ZNF654: variants seen among roughly 807,000 people sequenced by gnomAD.
ZNF654 encodes the protein melanoma-associated antigen.
In ZNF654, 19 loss-of-function variants were observed where a neutral mutation model predicts 95.3. That is an observed-to-expected ratio of 0.20 (90% CI 0.14 to 0.29). The LOEUF (loss-of-function observed/expected upper bound fraction) is 0.29, where lower values mean the gene tolerates loss of function less well. ZNF654 is among the 10% of genes least tolerant of loss of function. The pLI is 1.00. For synonymous variants in ZNF654, 413 were observed against 457.9 expected (o/e 0.90, Z 1.25); for missense variants, 1,046 against 1,341.0 (o/e 0.78, Z 3.44).
chr3:88,116,557 T>TACACACACACACACACACAC (rs745598873), intron 3 of ZNF654, among the ~76,000 whole-genome samples: 2 of 25,502 alleles, frequency 7.8e-5, no homozygotes, highest in African/African-American at 1.9e-4. Context: ...TACATACATA[T>TACACACACACACACACACAC]ATATACACAC....
intron 2 of ZNF654, among the ~76,000 whole-genome samples, chr3:88,098,064 C>A (rs1704173155): frequency 6.6e-6 from 1 of 151,968 alleles, no homozygotes; most frequent in African/African-American, 2.4e-5. Context: ...AAACGATCAA[C>A]AAAATTGACA....
intron 3 of ZNF654, among the ~76,000 whole-genome samples, chr3:88,118,920 CTT>C (rs1184443475): frequency 2.0e-5 from 3 of 150,206 alleles, no homozygotes; most frequent in Admixed American, 6.7e-5. Context: ...AATAGGAACA[CTT>C]TTACACTGTT....
At chr3:88,108,728 A>G (rs559134183) in intron 2 of ZNF654, among the ~76,000 whole-genome samples, 3 of 152,270 alleles carry the variant, frequency 2.0e-5, no homozygotes, top group Non-Finnish European at 4.4e-5. Context: ...ATTTTACTTA[A>G]TAATGGCCCC....
At chr3:88,093,869 GC>G (rs1703893194) in intron 2 of ZNF654, among the ~76,000 whole-genome samples, 1 of 152,086 alleles carries the variant, frequency 6.6e-6, no homozygotes, top group Non-Finnish European at 1.5e-5. Context: ...CGGGGGCTGG[GC>G]CCCACAAAAG....
intron 3 of ZNF654, among the ~76,000 whole-genome samples, chr3:88,115,434 G>A (rs1297828027): frequency 6.6e-6 from 1 of 152,180 alleles, no homozygotes; most frequent in African/African-American, 2.4e-5. Context: ...GGTTAAATGA[G>A]TAAAGTGCTT....
At chr3:88,060,327 A>ATGT (rs1236582879) in intron 1 of ZNF654, among the ~76,000 whole-genome samples, 1 of 152,118 alleles carries the variant, frequency 6.6e-6, no homozygotes, top group African/African-American at 2.4e-5. Context: ...CAGGGGTTTG[A>ATGT]TGTTGTTCAA....
At chr3:88,123,236 C>A (rs1705888760) in intron 3 of ZNF654, among the ~76,000 whole-genome samples, 1 of 151,986 alleles carries the variant, frequency 6.6e-6, no homozygotes, top group African/African-American at 2.4e-5. Context: ...TTTAAATAGA[C>A]CAAAATGAAA....
At chr3:88,075,242 CACTT>C (rs1707736886) in intron 1 of ZNF654, among the ~76,000 whole-genome samples, 2 of 152,200 alleles carry the variant, frequency 1.3e-5, no homozygotes, top group South Asian at 2.1e-4. Context: ...AAGAGCATAT[CACTT>C]ACTTGTAGTT....
At position 88,139,317 on chromosome 3, in the gene ZNF654, T is replaced by C. The variant is rs1407795259; in HGVS notation, c.1648T>C (p.Cys550Arg). ...TGTCCCAAGGCATCGTTGTATGTTATGTAACAAGGAATTTTTAGGTGGTCA... is the reference window on the plus strand; with the variant it reads ...TGTCCCAAGGCATCGTTGTATGTTACGTAACAAGGAATTTTTAGGTGGTCA... Reference protein sequence around the residue: ...HNVPRHRCMLCNKEFLGGHIV... With the variant: ...HNVPRHRCMLRNKEFLGGHIV... The change falls in exon 8 of 9, where the codon TGT becomes CGT. Residue 550 changes from cysteine to arginine, a missense_variant. By Grantham distance (180) the Cys-to-Arg change is radical (BLOSUM62 -3). Transcript: ENST00000636215. 1 of 1,601,280 alleles carries C rather than the reference T, an allele frequency of 6.2e-7. No homozygotes were observed. Among genetic ancestry groups the C allele is most frequent in the Non-Finnish European group, 8.5e-7 (1 of 1,175,372 alleles).
rs1706339223 is a variant in ZNF654 at position 88,129,841 on chromosome 3, A to AT, written c.893+16dup. The AT allele has an allele frequency of 2.1e-6, 3 of 1,406,150 alleles. No individual in the cohort carries two copies. In the African/African-American group the frequency reaches 4.3e-5, roughly 20 times the overall value. The allele number at this position is 1,406,150 out of a possible 1,614,324, so 87.1% of individuals were successfully genotyped here. A position where few individuals can be genotyped will look rare whatever the true frequency, so the allele number is the denominator to read the frequency against. On this transcript the variant is annotated intron_variant, in intron 6 of 8. Transcript: ENST00000636215. ...TACTGTATCTGGTAAGTGTTTGTAA[A>AT]TAAAGAAATTGAAATGGTAAGATGG... is the stretch of plus-strand genomic sequence containing the variant.
chr3:88,061,149 G>A (rs6806879), intron 1 of ZNF654, among the ~76,000 whole-genome samples: 3 of 151,918 alleles, frequency 2.0e-5, no homozygotes, highest in African/African-American at 7.3e-5. Flanking sequence ...GGTAGATTTT[G>A]TATCTATAGG....
chr3:88,072,290 C>T (rs1460210069), intron 1 of ZNF654, among the ~76,000 whole-genome samples: 2 of 152,204 alleles, frequency 1.3e-5, no homozygotes, highest in Non-Finnish European at 2.9e-5. Flanking sequence ...CACCTTTCCT[C>T]ACTTTCAGTT....
At chr3:88,087,907 C>T (rs1482014569) in intron 2 of ZNF654, among the ~76,000 whole-genome samples, 1 of 152,100 alleles carries the variant, frequency 6.6e-6, no homozygotes, top group African/African-American at 2.4e-5. Flanking sequence ...CTCCAAAATT[C>T]GAAACTCTTT....
chr3:88,066,602 T>A (rs1269031519), intron 1 of ZNF654, among the ~76,000 whole-genome samples: 1 of 151,976 alleles, frequency 6.6e-6, no homozygotes, highest in African/African-American at 2.4e-5. Flanking sequence ...AAAACCTCAA[T>A]TTTAATTTTG....
At chr3:88,089,359 C>A (rs549664191) in intron 2 of ZNF654, among the ~76,000 whole-genome samples, 183 of 151,788 alleles carry the variant, frequency 1.2e-3, no homozygotes, top group African/African-American at 3.4e-3. Context: ...GGCGTGGTGG[C>A]AAGCGCCTGT....
chr3:88,075,808 G>A (rs777994348), intron 1 of ZNF654, among the ~76,000 whole-genome samples: 10 of 151,222 alleles, frequency 6.6e-5, no homozygotes, highest in Non-Finnish European at 1.3e-4. Context: ...AGTGTCTTCC[G>A]TAATGTTAGA....
chr3:88,130,530 C>A (rs191433797), intron 6 of ZNF654, among the ~76,000 whole-genome samples: 1 of 152,084 alleles, frequency 6.6e-6, no homozygotes, highest in Admixed American at 6.6e-5. Context: ...TGGCTCACTG[C>A]AGCCTCAACT....
intron 1 of ZNF654, among the ~76,000 whole-genome samples, chr3:88,082,886 A>G (rs1374782814): frequency 6.6e-6 from 1 of 152,344 alleles, no homozygotes; most frequent in East Asian, 1.9e-4. Context: ...CCAGATCAGG[A>G]TGCCAGCGTG....
chr3:88,101,837 T>G (rs1208055181), intron 2 of ZNF654, among the ~76,000 whole-genome samples: 3 of 152,208 alleles, frequency 2.0e-5, no homozygotes, highest in Non-Finnish European at 4.4e-5. Context: ...TTTATCTTTT[T>G]CATAATAGCC....
Sources: allele counts gnomAD v4.1 joint callset (sites outside exome capture counted in the v4.1 genomes callset), GRCh38; gene constraint gnomAD v4.1.1; transcripts MANE v1.5; gene names NCBI Gene and HGNC (gene_info 2026-07-23, HGNC 2026-07-21).